Variants in DNAH17 observed in about 807,000 individuals in gnomAD.
DNAH17 encodes the protein dynein axonemal heavy chain 17.
DNAH17 carries 376 observed loss-of-function variants against 485.6 expected under a neutral mutation model. The ratio of observed to expected loss-of-function variants is 0.77; its 90% CI spans 0.71 to 0.84. DNAH17 has a LOEUF of 0.84. Among genes scored for constraint, DNAH17 ranks in the 40% least tolerant of loss-of-function variants. The pLI is 0.00. For synonymous variants in DNAH17, 3,031 were observed against 2,405.9 expected (o/e 1.26, Z -7.60); for missense variants, 6,370 against 5,839.3 (o/e 1.09, Z -2.96).
At chr17:78,541,512 G>A (rs949106831) in intron 17 of DNAH17, among the ~76,000 whole-genome samples, 1 of 151,888 alleles carries the variant, frequency 6.6e-6, no homozygotes, top group East Asian at 1.9e-4. Flanking sequence ...TAATAAGGGA[G>A]AGAAGACTTG....
chr17:78,525,704 C>A (rs949703299), intron 24 of DNAH17, among the ~76,000 whole-genome samples: 5 of 152,230 alleles, frequency 3.3e-5, no homozygotes, highest in Non-Finnish European at 5.9e-5. Flanking sequence ...GGACTGCCTG[C>A]TCTGGTCACC....
At position 78,530,463 on chromosome 17, in the gene DNAH17, G is replaced by A. The variant is rs1264100252; in HGVS notation, c.3164C>T (p.Thr1055Ile). The A allele has an allele frequency of 9.3e-6, 15 of 1,613,298 alleles. No individual in the cohort carries two copies. Among genetic ancestry groups the A allele is most frequent in the Non-Finnish European group, 1.3e-5 (15 of 1,179,584 alleles). The change falls in exon 21 of 81, where the codon ACC (threonine) becomes ATC (isoleucine). Residue 1055 changes from threonine to isoleucine, a missense_variant. Transcript: ENST00000389840. ...LYEEVSKCEN[T>I]KVFHGWLQCD... ...CTGCAGCCAGCCGTGGAACACCTTG[G>A]TGTTCTCGCACTTGGACACCTCCTC...
At chr17:78,576,457 A>G (rs2092434357) in intron 1 of DNAH17, among the ~76,000 whole-genome samples, 2 of 152,170 alleles carry the variant, frequency 1.3e-5, no homozygotes, top group Admixed American at 1.3e-4. Context: ...CATCTGTGAA[A>G]GAAAAAGGGG....
At position 78,569,010 on chromosome 17, in the gene DNAH17, G is replaced by A. The variant is rs574673458; in HGVS notation, c.1284+156C>T. Among the ~76,000 whole-genome samples the A allele has an allele frequency of 5.3e-5, 8 of 152,048 alleles. No individual in the cohort carries two copies. In the South Asian group the frequency reaches 1.0e-3, roughly 20 times the overall value. On this transcript the variant is annotated intron_variant, in intron 9 of 80. Coordinates refer to ENST00000389840, the MANE Select transcript of DNAH17 (RefSeq NM_173628.4). ...AGCTCTGGCCACGGCAGATGCTGCC[G>A]CAAAGCCTTGGTTTCCTCATAACAG...
chr17:78,514,944 T>G lies in DNAH17; in HGVS notation c.3943A>C (p.Lys1315Gln). Residue 1315 changes from lysine to glutamine, a missense_variant, in exon 26 of 81, where the codon AAG (lysine) becomes CAG (glutamine). Transcript: ENST00000389840. ...AAAGACCTCATGTCCTTGGCAAACTTCTTACAATCTATGTCCATCTGCTCA... is the reference window on the plus strand; with the variant it reads ...AAAGACCTCATGTCCTTGGCAAACTGCTTACAATCTATGTCCATCTGCTCA... Reference protein sequence around the residue: ...NVEQMDIDCKKFAKDMRSLDK... With the variant: ...NVEQMDIDCKQFAKDMRSLDK... 1 of 1,614,044 alleles carries G rather than the reference T, an allele frequency of 6.2e-7. No homozygotes were observed. The highest frequency in any genetic ancestry group is 8.5e-7 in the Non-Finnish European group (1 of 1,179,906).
At chr17:78,545,429 G>T (rs2091732586) in intron 16 of DNAH17, among the ~76,000 whole-genome samples, 1 of 152,210 alleles carries the variant, frequency 6.6e-6, no homozygotes, top group South Asian at 2.1e-4. Flanking sequence ...AGATCAAGGT[G>T]CCGGCATGTT....
intron 77 of DNAH17, among the ~76,000 whole-genome samples, chr17:78,427,835 G>A (rs1365342912): frequency 6.6e-6 from 1 of 152,172 alleles, no homozygotes; most frequent in African/African-American, 2.4e-5. Context: ...CAGGTGTGGT[G>A]GCAGGCGCCT....
chr17:78,485,635 C>A lies in DNAH17; in HGVS notation c.7398G>T (p.Gly2466=). 1 of 1,613,942 alleles carries A rather than the reference C, an allele frequency of 6.2e-7. No individual in the cohort carries two copies. Among genetic ancestry groups the A allele is most frequent in the Non-Finnish European group, 8.5e-7 (1 of 1,179,834 alleles). ...NAGTGKSVLM[G]DKLESLNTDN... ...CCGTGTTCAGGCTTTCCAGCTTGTC[C>A]CCCATCAGCACCGACTTGCCCGTCC... is the stretch of plus-strand genomic sequence containing the variant. Residue 2466 remains glycine (G), a synonymous_variant, in exon 47 of 81, where the codon GGG becomes GGT. Coordinates refer to ENST00000389840, the MANE Select transcript of DNAH17 (RefSeq NM_173628.4).
intron 74 of DNAH17, among the ~76,000 whole-genome samples, chr17:78,435,395 C>T (rs1168019515): frequency 6.6e-6 from 1 of 152,100 alleles, no homozygotes; most frequent in Non-Finnish European, 1.5e-5. Flanking sequence ...TTTCAGAGGC[C>T]CACAGCCCCT....
rs760292975 is a variant in DNAH17, at chr17:78,444,688, G to A, written c.11444C>T (p.Pro3815Leu). 6.2e-7 allele frequency: 1 copy of A among 1,610,578 alleles called. No homozygotes were observed. Among genetic ancestry groups the A allele is most frequent in the South Asian group, 1.1e-5 (1 of 90,714 alleles). ...ESEAPEKEIF[P>L]KEWKNKTALQ... Reference sequence around the variant, plus strand: ...GGCCGTCTTGTTCTTCCACTCCTTGGGGAAGATCTCCTTCTCGGGGGCTTC... The same window carrying A: ...GGCCGTCTTGTTCTTCCACTCCTTGAGGAAGATCTCCTTCTCGGGGGCTTC... The change falls in exon 71 of 81, where the codon CCC (proline) becomes CTC (leucine). Residue 3815 changes from proline to leucine, a missense_variant. Pro to Leu is a moderately conservative substitution (Grantham distance 98). Coordinates refer to ENST00000389840, the MANE Select transcript of DNAH17 (RefSeq NM_173628.4).
chr17:78,491,282 G>A (rs778312768), intron 43 of DNAH17, among the ~76,000 whole-genome samples, 161 bp downstream of exon 43: 45 of 152,214 alleles, frequency 3.0e-4, no homozygotes, highest in South Asian at 4.1e-4. Context: ...AAAGTCTCAC[G>A]ACAAGGTGCC....
chr17:78,574,914 G>T lies in DNAH17; in HGVS notation c.144C>A (p.Asp48Glu), dbSNP rs752363197. The T allele has an allele frequency of 6.2e-7, 1 of 1,614,024 alleles. No homozygotes were observed. Among genetic ancestry groups the T allele is most frequent in the Non-Finnish European group, 8.5e-7 (1 of 1,179,894 alleles). The stretch of plus-strand genomic sequence containing the variant: ...TGAGCGTCAGCACCAGCACCTGGAC[G>T]TCGGGCTTTTCAAAGAACTCTGTGA... ...ALFTEFFEKP[D>E]VQVLVLTLNA... Residue 48 changes from aspartate (D) to glutamate (E), a missense_variant, in exon 2 of 81, where the codon GAC becomes GAA. Asp to Glu is a conservative substitution (Grantham distance 45). Transcript: ENST00000389840.
chr17:78,498,152 A>AACAT, intron 37 of DNAH17, among the ~76,000 whole-genome samples: 1 of 130,850 alleles, frequency 7.6e-6, no homozygotes, highest in Non-Finnish European at 1.6e-5. Context: ...AAAAAAACAA[A>AACAT]ACATAAATAA....
chr17:78,566,041 C>A (rs2092260880), intron 11 of DNAH17, among the ~76,000 whole-genome samples: 1 of 152,082 alleles, frequency 6.6e-6, no homozygotes, highest in Non-Finnish European at 1.5e-5. Flanking sequence ...CCTCCCTTGC[C>A]CCTTCTGCCA....
chr17:78,486,056 C>T lies in DNAH17; in HGVS notation c.7179G>A (p.Thr2393=), dbSNP rs539086496. The T allele has an allele frequency of 4.3e-6, 7 of 1,613,954 alleles. No individual in the cohort carries two copies. The highest frequency in any genetic ancestry group is 4.0e-5 in the African/African-American group (3 of 75,048). ...FKTIKFPSQG[T]IFDYYIDPDT... ...CAGGATCAATGTAGTAGTCAAAAAT[C>T]GTTCCCTGCGAGGGGAACTTGATAG... Residue 2393 remains threonine, a synonymous_variant, in exon 46 of 81, where the codon ACG becomes ACA. Transcript: ENST00000389840.
chr17:78,544,416 T>TG (rs2091694536), intron 16 of DNAH17, among the ~76,000 whole-genome samples: 1 of 152,054 alleles, frequency 6.6e-6, no homozygotes, highest in African/African-American at 2.4e-5. Context: ...GTCCCTTTTG[T>TG]GGGGGCCACT....
chr17:78,477,747 A>C (rs1310426371), intron 51 of DNAH17, among the ~76,000 whole-genome samples: 3 of 152,218 alleles, frequency 2.0e-5, no homozygotes, highest in Non-Finnish European at 2.9e-5. Context: ...CTGCTCAGTA[A>C]AATGGGGATA....
intron 40 of DNAH17, 154 bp from the exon 41 acceptor site, chr17:78,494,327 GAGA>G: frequency 8.3e-7 from 1 of 1,199,644 alleles, no homozygotes; most frequent in Non-Finnish European, 1.1e-6. Flanking sequence ...TGTCAATGCC[GAGA>G]GTTGACATAG....
chr17:78,501,406 A>C (rs1213818025), intron 34 of DNAH17, 62 bp from the exon 35 acceptor site: 5 of 1,528,820 alleles, frequency 3.3e-6, no homozygotes, highest in South Asian at 1.3e-5. Flanking sequence ...CTGCCTAAGG[A>C]AGGCCAGCAT....
Sources: gnomAD v4.1 joint callset for allele counts (sites outside exome capture counted in the v4.1 genomes callset) on GRCh38, gnomAD v4.1.1 for gene constraint, MANE v1.5 for transcripts, NCBI Gene and HGNC (gene_info 2026-07-23, HGNC 2026-07-21) for gene names.